The following RAB27B variants were observed in gnomAD, a reference collection of about 807,000 sequenced individuals.
RAB27B encodes ras-related protein Rab-27B.
A neutral mutation model predicts 24.6 loss-of-function variants in RAB27B; 15 were observed. That is an observed-to-expected ratio of 0.61 (90% confidence interval 0.41 to 0.94). The LOEUF (loss-of-function observed/expected upper bound fraction) is 0.94, where lower values mean the gene tolerates loss of function less well. RAB27B is among the 40% of genes least tolerant of loss of function. The pLI, the probability that RAB27B is intolerant of heterozygous loss-of-function variation, is 0.00. For synonymous variants in RAB27B, 105 were observed against 92.5 expected, an observed-to-expected ratio of 1.14 and a Z score of -0.78; for missense variants, 261 against 266.8, an observed-to-expected ratio of 0.98 and a Z score of 0.15.
chr18:54,866,625 C>A (rs1171718977), intron 1 of RAB27B, among the ~76,000 whole-genome samples: 2 of 152,216 alleles, frequency 1.3e-5, no homozygotes, highest in East Asian at 3.8e-4. Flanking sequence ...TGGCAGACAG[C>A]CAGATGCCTA....
intron 2 of RAB27B, among the ~76,000 whole-genome samples, chr18:54,804,644 T>C (rs1909712018): frequency 6.6e-6 from 1 of 152,198 alleles, no homozygotes; most frequent in African/African-American, 2.4e-5. Context: ...AGAGTGGTTC[T>C]ATACTAAACA....
At chr18:54,757,336 T>C (rs185556102) in intron 2 of RAB27B, among the ~76,000 whole-genome samples, 25 of 152,274 alleles carry the variant, frequency 1.6e-4, no homozygotes, top group Non-Finnish European at 2.9e-4. Context: ...AAAAAAGCTA[T>C]TGCTCTAACA....
intron 2 of RAB27B, among the ~76,000 whole-genome samples, chr18:54,805,359 C>T (rs982655478): frequency 6.6e-6 from 1 of 152,144 alleles, no homozygotes; most frequent in Non-Finnish European, 1.5e-5. Flanking sequence ...ATCTCTTTTC[C>T]TTCTGGTTTA....
At chr18:54,777,915 C>T (rs1047777190) in intron 2 of RAB27B, among the ~76,000 whole-genome samples, 7 of 149,638 alleles carry the variant, frequency 4.7e-5, no homozygotes, top group Non-Finnish European at 1.0e-4. Flanking sequence ...TAATTTAGCT[C>T]TTACTTTCAC....
chr18:54,819,583 A>G (rs1223995501), intron 2 of RAB27B, among the ~76,000 whole-genome samples: 1 of 150,284 alleles, frequency 6.7e-6, no homozygotes, highest in Non-Finnish European at 1.5e-5. Flanking sequence ...CCACATAATT[A>G]TAAGGTTTAT....
At chr18:54,866,194 T>C (rs1245549143) in intron 1 of RAB27B, among the ~76,000 whole-genome samples, 1 of 152,128 alleles carries the variant, frequency 6.6e-6, no homozygotes, top group Admixed American at 6.5e-5. Context: ...TAAAGGGAAA[T>C]GAAGAGCAGC....
intron 2 of RAB27B, among the ~76,000 whole-genome samples, chr18:54,737,276 T>C (rs1482210143): frequency 6.6e-6 from 1 of 152,156 alleles, no homozygotes; most frequent in African/African-American, 2.4e-5. Flanking sequence ...GATGGGCTTA[T>C]TGACTTTAGG....
At chr18:54,732,547 T>C (rs1909761749) in intron 2 of RAB27B, among the ~76,000 whole-genome samples, 1 of 152,164 alleles carries the variant, frequency 6.6e-6, no homozygotes, top group Non-Finnish European at 1.5e-5. Flanking sequence ...TACCATAATA[T>C]AGTTTTGTTA....
chr18:54,875,579 A>T (rs1912662868), intron 1 of RAB27B, among the ~76,000 whole-genome samples: 1 of 151,560 alleles, frequency 6.6e-6, no homozygotes, highest in African/African-American at 2.4e-5. Flanking sequence ...GTCAGCAAAA[A>T]TCCATCCAGA....
intron 1 of RAB27B, among the ~76,000 whole-genome samples, chr18:54,861,248 C>G (rs570769473): frequency 6.6e-6 from 1 of 152,278 alleles, no homozygotes; most frequent in South Asian, 2.1e-4. Flanking sequence ...TGTCAGAAAA[C>G]TTAGTAAATC....
intron 3 of RAB27B, among the ~76,000 whole-genome samples, chr18:54,883,825 A>C (rs913536068): frequency 1.3e-4 from 20 of 152,086 alleles, no homozygotes; most frequent in African/African-American, 4.8e-4. Flanking sequence ...CTTTTTGAAA[A>C]GAGTTTTGTC....
At chr18:54,763,756 C>T (rs1401757781) in intron 2 of RAB27B, among the ~76,000 whole-genome samples, 1 of 152,256 alleles carries the variant, frequency 6.6e-6, no homozygotes, top group East Asian at 1.9e-4. Context: ...ACTTGTTTCT[C>T]CTCCCCTGGG....
chr18:54,797,744 G>A (rs1292121481), intron 2 of RAB27B, among the ~76,000 whole-genome samples: 3 of 152,122 alleles, frequency 2.0e-5, no homozygotes, highest in East Asian at 1.9e-4. Flanking sequence ...GACTCGTCTC[G>A]GGAGTGGTCT....
intron 1 of RAB27B, among the ~76,000 whole-genome samples, chr18:54,858,196 C>A (rs1911860934): frequency 6.6e-6 from 1 of 152,142 alleles, no homozygotes; most frequent in Admixed American, 6.5e-5. Flanking sequence ...TAGTCACATA[C>A]AATGATATAT....
chr18:54,757,341 C>G (rs35620557), intron 2 of RAB27B, among the ~76,000 whole-genome samples: 60,088 of 152,008 alleles, frequency 0.4, 12,237 homozygotes, highest in South Asian at 0.47. Context: ...AGCTATTGCT[C>G]TAACATCAGA....
At chr18:54,841,731 A>G (rs1277854020) in intron 1 of RAB27B, among the ~76,000 whole-genome samples, 1 of 152,236 alleles carries the variant, frequency 6.6e-6, no homozygotes, top group Non-Finnish European at 1.5e-5. Flanking sequence ...TAAATGGCCA[A>G]AGTCAAAGAT....
chr18:54,776,255 C>T (rs1327815362), intron 2 of RAB27B, among the ~76,000 whole-genome samples: 1 of 152,236 alleles, frequency 6.6e-6, no homozygotes, highest in Non-Finnish European at 1.5e-5. Flanking sequence ...TCCATCCCTT[C>T]CGCACACTTT....
chr18:54,828,977 A>G (rs1215182159), intron 1 of RAB27B, among the ~76,000 whole-genome samples: 2 of 152,200 alleles, frequency 1.3e-5, no homozygotes, highest in South Asian at 2.1e-4. Context: ...AAAAAGAAAA[A>G]CAAAAAGCCT....
intron 2 of RAB27B, among the ~76,000 whole-genome samples, chr18:54,823,418 GGGTCA>G (rs1478416157): frequency 7.0e-6 from 1 of 142,450 alleles, no homozygotes; most frequent in African/African-American, 2.5e-5. Flanking sequence ...ATCAGTGAGG[GGGTCA>G]AGTCAAGAGA....
Sources: allele counts gnomAD v4.1 joint callset (sites outside exome capture counted in the v4.1 genomes callset), GRCh38; gene constraint gnomAD v4.1.1; transcripts MANE v1.5; gene names NCBI Gene and HGNC (gene_info 2026-07-23, HGNC 2026-07-21).